Variants in SPTBN4 observed in about 807,000 individuals in gnomAD.
SPTBN4 encodes spectrin beta, non-erythrocytic 4, also known as spectrin beta chain, non-erythrocytic 4.
In SPTBN4, 96 loss-of-function variants were observed where a neutral mutation model predicts 277.8. The ratio of observed to expected loss-of-function variants is 0.35; its 90% CI spans 0.29 to 0.41. SPTBN4 has a LOEUF of 0.41. SPTBN4 is among the 10% of genes least tolerant of loss of function. SPTBN4 has a pLI of 1.00. For synonymous variants in SPTBN4, 1,481 were observed against 1,580.3 expected, an observed-to-expected ratio of 0.94 and a Z score of 1.49; for missense variants, 3,006 against 3,595.7, an observed-to-expected ratio of 0.84 and a Z score of 4.19.
intron 1 of SPTBN4, among the ~76,000 whole-genome samples, chr19:40,471,770 G>T (rs528797510): frequency 1.3e-5 from 2 of 151,938 alleles, no homozygotes; most frequent in Non-Finnish European, 2.9e-5. Flanking sequence ...ACAGTTTCTG[G>T]CTCTGCTGCC....
At chr19:40,561,842 G>GAAA (rs540111537) in intron 27 of SPTBN4, among the ~76,000 whole-genome samples, 1 of 149,550 alleles carries the variant, frequency 6.7e-6, no homozygotes, top group Non-Finnish European at 1.5e-5. Flanking sequence ...AAAAAGAAAA[G>GAAA]AAAAAAAAAT....
intron 20 of SPTBN4, among the ~76,000 whole-genome samples, chr19:40,542,421 C>A (rs911877934): frequency 6.6e-6 from 1 of 152,182 alleles, no homozygotes; most frequent in Non-Finnish European, 1.5e-5. Context: ...GGCCAAGAAG[C>A]CAGATGGTGG....
In SPTBN4 at chr19:40,486,769, A is replaced by G. The variant is rs559357957; in HGVS notation, c.170-928A>G. ...CCCAGCACTTTGGGAGGCTGAGGCC[A>G]TGGCTGTATTTATCCGTGTCCTCTC... On this transcript the variant is annotated intron_variant, in intron 2 of 35. Coordinates refer to ENST00000598249, the MANE Select transcript of SPTBN4 (RefSeq NM_020971.3). 6.6e-5 allele frequency among the ~76,000 whole-genome samples: 10 copies of G among 152,242 alleles called. No individual in the cohort carries two copies. In the East Asian group the frequency reaches 1.4e-3, roughly 21 times the overall value.
chr19:40,535,156 A>G (rs1317515615), intron 20 of SPTBN4, among the ~76,000 whole-genome samples: 1 of 152,164 alleles, frequency 6.6e-6, no homozygotes, highest in Non-Finnish European at 1.5e-5. Flanking sequence ...CTTGGGCTCA[A>G]GTGATTCTCC....
chr19:40,531,250 C>T (rs1476117215), intron 18 of SPTBN4, among the ~76,000 whole-genome samples: 1 of 151,976 alleles, frequency 6.6e-6, no homozygotes, highest in Admixed American at 6.6e-5. Context: ...TTGGACTCTT[C>T]CCTGCACGTC....
chr19:40,504,177 G>A (rs1360273572), intron 12 of SPTBN4, 45 bp downstream of exon 12: 1 of 1,537,326 alleles, frequency 6.5e-7, no homozygotes, highest in Admixed American at 1.8e-5. Flanking sequence ...CCAGGAGGGA[G>A]GGGAGGATGC....
At position 40,570,549 on chromosome 19, in the gene SPTBN4, G is replaced by A. The variant is rs1353379640; in HGVS notation, c.7140G>A (p.Pro2380=). Residue 2380 remains proline, a synonymous_variant, in exon 33 of 36, where the codon CCG becomes CCA. Coordinates refer to ENST00000598249, the MANE Select transcript of SPTBN4 (RefSeq NM_020971.3). The stretch of plus-strand genomic sequence containing the variant: ...CCCGGGCGCGGGACCGGCCCAAGCC[G>A]CGACGGCGGCCGCGGCCCAGAGAGG... ...DRPRARDRPK[P]RRRPRPREGG... 8 of 1,359,590 alleles carry A rather than the reference G, an allele frequency of 5.9e-6. No individual in the cohort carries two copies. Among genetic ancestry groups the A allele is most frequent in the Non-Finnish European group, 7.5e-6 (8 of 1,060,630 alleles). The allele number at this position is 1,359,590 out of a possible 1,614,324, so 84.2% of individuals were successfully genotyped here.
intron 1 of SPTBN4, among the ~76,000 whole-genome samples, chr19:40,469,203 T>A (rs1304368875): frequency 6.6e-6 from 1 of 152,104 alleles, no homozygotes; most frequent in East Asian, 1.9e-4. Context: ...TTCAGTGGGT[T>A]GGCAATTGTC....
At chr19:40,548,225 A>G (rs1457314038) in intron 20 of SPTBN4, among the ~76,000 whole-genome samples, 1 of 152,100 alleles carries the variant, frequency 6.6e-6, no homozygotes, top group Non-Finnish European at 1.5e-5. Context: ...AAATTTTTTT[A>G]TCCGGTAATC....
chr19:40,560,082 G>T lies in SPTBN4; in HGVS notation c.5671-77G>T. On this transcript the variant is annotated intron_variant, in intron 26 of 35. Coordinates refer to ENST00000598249, the MANE Select transcript of SPTBN4 (RefSeq NM_020971.3). This position sits in a 1 kb window ranked among gnomAD's most constrained non-coding sequence, Gnocchi z 5.2. The stretch of plus-strand genomic sequence containing the variant: ...GGCTCCTTATATCTTGAGGTTCTGC[G>T]CTGGAGCAGATGGTGGGAGGGAGGG... 1 of 1,486,342 alleles carries T rather than the reference G, an allele frequency of 6.7e-7. No homozygotes were observed. The highest frequency in any genetic ancestry group is 1.3e-5 in the South Asian group (1 of 74,804). 92.1% of individuals were successfully genotyped at this position (1,486,342 alleles called of 1,614,324 possible).
chr19:40,470,354 G>A lies in SPTBN4; in HGVS notation c.-15-2253G>A, dbSNP rs547755091. On this transcript the variant is annotated intron_variant, in intron 1 of 35. Transcript: ENST00000598249. Reference sequence around the variant, plus strand: ...GGTGTCTCGCCCTGTTGCCCAAGCCGGAGTGCAGTGGTGCCATCTTGGCTC... The same window carrying A: ...GGTGTCTCGCCCTGTTGCCCAAGCCAGAGTGCAGTGGTGCCATCTTGGCTC... Among the ~76,000 whole-genome samples, 8 of 151,564 alleles carry A rather than the reference G, an allele frequency of 5.3e-5. No homozygotes were observed. The South Asian group carries it at 1.2e-3, about 24-fold the overall frequency.
At chr19:40,529,486 C>G (rs1158962134) in intron 18 of SPTBN4, among the ~76,000 whole-genome samples, 1 of 152,126 alleles carries the variant, frequency 6.6e-6, no homozygotes, top group Non-Finnish European at 1.5e-5. Context: ...GGATAAGGGC[C>G]GAGGGCCGTG....
At position 40,515,942 on chromosome 19, in the gene SPTBN4, CGTATAT is replaced by C. The variant is rs2080451557; in HGVS notation, c.2903+495_2903+500del. Among the ~76,000 whole-genome samples the C allele has an allele frequency of 8.3e-6, 1 of 120,154 alleles. No individual in the cohort carries two copies. The highest frequency in any genetic ancestry group is 3.4e-5 in the African/African-American group (1 of 28,986). The allele number at this position is 120,154 out of a possible 152,430, so 78.8% of individuals were successfully genotyped here. On this transcript the variant is annotated intron_variant, in intron 15 of 35. Coordinates refer to ENST00000598249, the MANE Select transcript of SPTBN4 (RefSeq NM_020971.3). The surrounding 1 kb of genome is among the most constrained non-coding windows in gnomAD (Gnocchi z 4.1). The stretch of plus-strand genomic sequence containing the variant: ...ACACATATATATACACACATATATA[CGTATAT>C]ATACACATATATACGTATATATACA...
At chr19:40,529,940 C>A (rs78636815) in intron 18 of SPTBN4, among the ~76,000 whole-genome samples, 1 of 152,154 alleles carries the variant, frequency 6.6e-6, no homozygotes, top group Admixed American at 6.5e-5. Context: ...GACCCTCCCC[C>A]CTATGTTGAA....
At chr19:40,492,924 C>T in intron 4 of SPTBN4, 39 bp from the exon 5 acceptor site, 1 of 1,587,610 alleles carries the variant, frequency 6.3e-7, no homozygotes, top group Non-Finnish European at 8.6e-7. Context: ...AAGCCTCAAG[C>T]TCTCCAGGCC....
chr19:40,518,754 C>G (rs1381370496), intron 15 of SPTBN4, among the ~76,000 whole-genome samples: 1 of 152,026 alleles, frequency 6.6e-6, no homozygotes, highest in African/African-American at 2.4e-5. Flanking sequence ...TTAAAAATAA[C>G]AATACACTGG....
intron 2 of SPTBN4, among the ~76,000 whole-genome samples, chr19:40,485,165 T>G (rs987145439): frequency 2.6e-5 from 4 of 151,842 alleles, no homozygotes; most frequent in African/African-American, 9.7e-5. Flanking sequence ...TTTATTTATT[T>G]TGGAGGCAGA....
At chr19:40,503,783 G>C (rs767241742) in intron 11 of SPTBN4, 47 bp from the exon 12 acceptor site, 2 of 1,537,824 alleles carry the variant, frequency 1.3e-6, no homozygotes, top group South Asian at 2.5e-5. Flanking sequence ...AAGGTAACAG[G>C]TGGACTGCTG....
chr19:40,549,602 T>G (rs1332589729), intron 21 of SPTBN4, among the ~76,000 whole-genome samples, 189 bp downstream of exon 21: 2 of 152,254 alleles, frequency 1.3e-5, no homozygotes, highest in Non-Finnish European at 2.9e-5. Context: ...GTTGATTTAT[T>G]CATGAAGTCA....
Sources: gnomAD v4.1 joint callset for allele counts (sites outside exome capture counted in the v4.1 genomes callset) on GRCh38, gnomAD v4.1.1 for gene constraint, Gnocchi (gnomAD v3.1) non-coding constraint, MANE v1.5 for transcripts, NCBI Gene and HGNC (gene_info 2026-07-23, HGNC 2026-07-21) for gene names.